The following ANO2 variants were observed in gnomAD, a reference collection of about 807,000 sequenced individuals.
ANO2 encodes the protein anoctamin 2, also known as anoctamin-2.
Under a neutral mutation model 124.2 loss-of-function variants are expected in ANO2, and 101 were observed. The observed-to-expected ratio is 0.81, with a 90% CI of 0.69 to 0.96. The LOEUF is 0.96. ANO2 is among the 40% of genes least tolerant of loss of function. The probability of loss-of-function intolerance (pLI) is 0.00; values close to 1 mark genes in which losing one functional copy is unlikely to be tolerated. For missense variants in ANO2, 1,293 were observed against 1,274.5 expected (o/e 1.01, Z -0.22); for synonymous variants, 486 against 482.5 (o/e 1.01, Z -0.09).
intron 3 of ANO2, among the ~76,000 whole-genome samples, chr12:5,911,745 T>C (rs1941063407): frequency 6.6e-6 from 1 of 152,230 alleles, no homozygotes; most frequent in Non-Finnish European, 1.5e-5. Flanking sequence ...CTCTATAATG[T>C]CAGTATTTAA....
At chr12:5,693,888 G>A (rs552116936) in intron 14 of ANO2, among the ~76,000 whole-genome samples, 8 of 152,226 alleles carry the variant, frequency 5.3e-5, no homozygotes, top group African/African-American at 1.9e-4. Context: ...ACCATTCCCG[G>A]AGCAGCCCTA....
At chr12:5,748,925 A>G (rs1270124150) in intron 11 of ANO2, among the ~76,000 whole-genome samples, 10 of 150,844 alleles carry the variant, frequency 6.6e-5, no homozygotes, top group Non-Finnish European at 1.2e-4. Context: ...CTAGAGTTTT[A>G]TACCAAAAAA....
At chr12:5,901,636 C>T (rs1940217427) in intron 3 of ANO2, among the ~76,000 whole-genome samples, 1 of 152,138 alleles carries the variant, frequency 6.6e-6, no homozygotes, top group African/African-American at 2.4e-5. Context: ...GGTGAGTGGA[C>T]CTGCTCGGTA....
intron 3 of ANO2, among the ~76,000 whole-genome samples, chr12:5,916,731 A>C (rs1565776716): frequency 2.4e-5 from 2 of 84,682 alleles, no homozygotes; most frequent in African/African-American, 5.8e-5. Context: ...ATTTAAAAAA[A>C]AAAACAAAAC....
chr12:5,599,238 C>T (rs1943810241), intron 20 of ANO2, among the ~76,000 whole-genome samples: 1 of 152,174 alleles, frequency 6.6e-6, no homozygotes, highest in South Asian at 2.1e-4. Flanking sequence ...GAAAAGAGAA[C>T]ATCATCCTAG....
At chr12:5,563,842 G>C (rs765444481) in intron 24 of ANO2, among the ~76,000 whole-genome samples, 1 of 152,234 alleles carries the variant, frequency 6.6e-6, no homozygotes, top group African/African-American at 2.4e-5. Flanking sequence ...ATCAGTAGTA[G>C]TTACTGCTTC....
intron 14 of ANO2, among the ~76,000 whole-genome samples, chr12:5,674,527 T>C (rs1316597137): frequency 6.6e-6 from 1 of 152,216 alleles, no homozygotes; most frequent in East Asian, 1.9e-4. Context: ...AGAAAGTGGC[T>C]GGCACGTGGC....
chr12:5,866,659 G>C (rs1377416904), intron 3 of ANO2, among the ~76,000 whole-genome samples: 1 of 152,216 alleles, frequency 6.6e-6, no homozygotes, highest in Non-Finnish European at 1.5e-5. Flanking sequence ...GTGCAGAGAG[G>C]AATGTGCAGC....
In ANO2 at chr12:5,922,736, G is replaced by A. The variant is rs1170821251; in HGVS notation, c.91C>T (p.Pro31Ser). 6.2e-7 allele frequency: 1 copy of A among 1,600,226 alleles called. No homozygotes were observed. Among genetic ancestry groups the A allele is most frequent in the South Asian group, 1.1e-5 (1 of 88,324 alleles). The change falls in exon 2 of 25, where the codon CCC (proline) becomes TCC (serine). Residue 31 changes from proline (P) to serine (S), a missense_variant. Coordinates refer to ENST00000682330, the MANE Select transcript of ANO2 (RefSeq NM_001364791.2). ...TTGAGACACTGCTGTCCATGTTTGG[G>A]GCCCTGGCCCCCTCTGGACCCTGCC... is the stretch of plus-strand genomic sequence containing the variant. ...PQAGSRGGQG[P>S]KHGQQCLKMP...
intron 7 of ANO2, among the ~76,000 whole-genome samples, chr12:5,809,143 G>C (rs776278532): frequency 9.9e-5 from 15 of 152,168 alleles, no homozygotes; most frequent in Non-Finnish European, 1.9e-4. Flanking sequence ...GAGTGCAGAT[G>C]GGGGAAGGGT....
chr12:5,616,503 G>A (rs1944816069), intron 16 of ANO2, among the ~76,000 whole-genome samples: 1 of 152,128 alleles, frequency 6.6e-6, no homozygotes, highest in East Asian at 1.9e-4. Flanking sequence ...TAGGCTTATA[G>A]CACAGGGCCA....
intron 10 of ANO2, among the ~76,000 whole-genome samples, chr12:5,764,840 G>C (rs1296598304): frequency 6.6e-6 from 1 of 152,094 alleles, no homozygotes; most frequent in Non-Finnish European, 1.5e-5. Flanking sequence ...TTCTCCCTTT[G>C]CCTCTTAGGC....
chr12:5,906,818 T>TAAAA (rs1255603596), intron 3 of ANO2, among the ~76,000 whole-genome samples: 102 of 150,978 alleles, frequency 6.8e-4, no homozygotes, highest in African/African-American at 2.4e-3. Context: ...AATAAATAAA[T>TAAAA]AAAAATAAAA....
chr12:5,588,059 C>G (rs1044116427), intron 20 of ANO2, among the ~76,000 whole-genome samples: 1 of 152,188 alleles, frequency 6.6e-6, no homozygotes, highest in Non-Finnish European at 1.5e-5. Flanking sequence ...AAGAGGCTGA[C>G]AGCTGAGAGC....
intron 7 of ANO2, among the ~76,000 whole-genome samples, chr12:5,821,553 G>C (rs1229958898): frequency 6.6e-6 from 1 of 152,260 alleles, no homozygotes; most frequent in African/African-American, 2.4e-5. Flanking sequence ...GTCAGTCACA[G>C]ATAGGGATGC....
intron 3 of ANO2, among the ~76,000 whole-genome samples, chr12:5,903,762 C>A (rs1483800164): frequency 3.9e-5 from 6 of 152,084 alleles, no homozygotes; most frequent in Admixed American, 3.9e-4. Context: ...TAAACCGCAG[C>A]CCTTTGGTCC....
chr12:5,897,511 G>C (rs928991681), intron 3 of ANO2, among the ~76,000 whole-genome samples: 1 of 152,158 alleles, frequency 6.6e-6, no homozygotes, highest in African/African-American at 2.4e-5. Context: ...GAGAGATGCA[G>C]TGATTAAGAT....
chr12:5,600,432 A>C (rs1943882880), intron 19 of ANO2, among the ~76,000 whole-genome samples: 1 of 152,238 alleles, frequency 6.6e-6, no homozygotes, highest in Non-Finnish European at 1.5e-5. Context: ...CAGCAGCCTG[A>C]GCAGACTAAG....
chr12:5,731,691 A>T (rs1424113073), intron 14 of ANO2, among the ~76,000 whole-genome samples: 1 of 151,878 alleles, frequency 6.6e-6, no homozygotes, highest in Non-Finnish European at 1.5e-5. Flanking sequence ...CAACATACAT[A>T]CTCTGAGTTT....
Sources: gnomAD v4.1 joint callset for allele counts (sites outside exome capture counted in the v4.1 genomes callset) on GRCh38, gnomAD v4.1.1 for gene constraint, MANE v1.5 for transcripts, NCBI Gene and HGNC (gene_info 2026-07-23, HGNC 2026-07-21) for gene names.